DACH2: variants seen among roughly 807,000 people sequenced by gnomAD.
DACH2 encodes dachshund family transcription factor 2, also known as dachshund homolog 2.
In DACH2, 17 loss-of-function variants were observed where a neutral mutation model predicts 35.8. That is an observed-to-expected ratio of 0.48 (90% CI 0.33 to 0.71). The LOEUF is 0.71. Ranked by LOEUF, DACH2 falls within the 30% of genes least tolerant of loss-of-function variation. The pLI is 0.02. For synonymous variants in DACH2, 195 were observed against 177.3 expected, an observed-to-expected ratio of 1.10 and a Z score of -0.79; for missense variants, 469 against 472.7, an observed-to-expected ratio of 0.99 and a Z score of 0.07.
At chrX:86,583,957 GTTCTC>G (rs1331715902) in intron 3 of DACH2, among the ~76,000 whole-genome samples, 4 of 110,834 alleles carry the variant, frequency 3.6e-5, no homozygotes, top group South Asian at 3.7e-4. Flanking sequence ...AATTGGAAGT[GTTCTC>G]TTCTCTTCTA....
At chrX:86,518,868 C>A (rs1330036743) in intron 3 of DACH2, among the ~76,000 whole-genome samples, 1 of 111,926 alleles carries the variant, frequency 8.9e-6, no homozygotes, top group Non-Finnish European at 1.9e-5. Flanking sequence ...TCCTTTCTTC[C>A]TAGTGGGATG....
chrX:86,569,832 A>T lies in DACH2; in HGVS notation c.640+55441A>T, dbSNP rs188936651. Among the ~76,000 whole-genome samples the T allele has an allele frequency of 1.9e-3, 211 of 111,898 alleles. 1 individual carries two copies. The highest frequency in any genetic ancestry group is 6.4e-3 in the African/African-American group (197 of 30,849). ...TACAGAATGGGAGAACATTTTTCTC[A>T]ATATATCCATCTGACAAAGGTCTAA... On this transcript the variant is annotated intron_variant, in intron 3 of 11. Coordinates refer to ENST00000373125, the MANE Select transcript of DACH2 (RefSeq NM_053281.3).
At chrX:86,643,277 G>A (rs761290785) in intron 3 of DACH2, among the ~76,000 whole-genome samples, 1 of 107,833 alleles carries the variant, frequency 9.3e-6, no homozygotes, top group African/African-American at 3.4e-5. Flanking sequence ...AATGAGGAAG[G>A]GAATGATACT....
chrX:86,636,771 A>G (rs1174535566), intron 3 of DACH2, among the ~76,000 whole-genome samples: 1 of 110,896 alleles, frequency 9.0e-6, no homozygotes, highest in Admixed American at 9.6e-5. Flanking sequence ...AATACAACCT[A>G]CGCAATACCA....
intron 1 of DACH2, among the ~76,000 whole-genome samples, chrX:86,213,520 C>T (rs1173588098): frequency 9.0e-6 from 1 of 111,166 alleles, no homozygotes; most frequent in Non-Finnish European, 1.9e-5. Flanking sequence ...TTTTAAGTCT[C>T]GTTTTCCTTG....
intron 1 of DACH2, among the ~76,000 whole-genome samples, chrX:86,346,066 A>G (rs959419680): frequency 6.3e-5 from 7 of 111,722 alleles, no homozygotes; most frequent in Non-Finnish European, 7.5e-5. Context: ...CCAGATTGTG[A>G]TGACCTGGAA....
At chrX:86,599,138 C>T (rs1362603246) in intron 3 of DACH2, among the ~76,000 whole-genome samples, 1 of 111,056 alleles carries the variant, frequency 9.0e-6, no homozygotes, top group East Asian at 2.9e-4. Context: ...TGAACTCATC[C>T]TTTTTAATGG....
At chrX:86,219,070 T>A (rs932585919) in intron 1 of DACH2, among the ~76,000 whole-genome samples, 1 of 112,157 alleles carries the variant, frequency 8.9e-6, no homozygotes, top group Non-Finnish European at 1.9e-5. Context: ...ATTGGTACTA[T>A]GACTACTAAA....
At chrX:86,492,110 T>C (rs1054991213) in intron 2 of DACH2, among the ~76,000 whole-genome samples, 4 of 111,868 alleles carry the variant, frequency 3.6e-5, no homozygotes, top group Non-Finnish European at 7.5e-5. Context: ...CTGTGACTGC[T>C]TTATTTCATT....
intron 1 of DACH2, among the ~76,000 whole-genome samples, chrX:86,375,191 A>G (rs1356412567): frequency 1.9e-5 from 2 of 107,489 alleles, no homozygotes; most frequent in Non-Finnish European, 3.9e-5. Flanking sequence ...CAGTTAACTC[A>G]TGGGTGTTTA....
chrX:86,262,671 G>A (rs1234739018), intron 1 of DACH2, among the ~76,000 whole-genome samples: 3 of 110,200 alleles, frequency 2.7e-5, no homozygotes, highest in Non-Finnish European at 5.7e-5. Context: ...ATTGTATACC[G>A]CCTCTGACAT....
chrX:86,411,020 T>TTATATATATATATATATATATA (rs36194671), intron 2 of DACH2, among the ~76,000 whole-genome samples: 2,196 of 40,148 alleles, frequency 0.055, 258 homozygotes, highest in East Asian at 0.091. Flanking sequence ...ACTAATATGA[T>TTATATATATATATATATATATA]TATATATATA....
intron 2 of DACH2, among the ~76,000 whole-genome samples, chrX:86,399,854 G>A (rs1320237050): frequency 9.0e-6 from 1 of 111,114 alleles, no homozygotes; most frequent in East Asian, 2.8e-4. Flanking sequence ...TGACAATTAT[G>A]TGTCTTGGAC....
chrX:86,533,099 C>T (rs780689279), intron 3 of DACH2, among the ~76,000 whole-genome samples: 1 of 109,261 alleles, frequency 9.2e-6, no homozygotes, highest in African/African-American at 3.3e-5. Context: ...GCCCAGGCTG[C>T]AGGGCAGTGG....
intron 3 of DACH2, among the ~76,000 whole-genome samples, chrX:86,641,886 T>A (rs2040351338): frequency 8.9e-6 from 1 of 111,751 alleles, no homozygotes; most frequent in South Asian, 3.7e-4. Context: ...AGAAATAAGA[T>A]CCTCTTCAGA....
At chrX:86,206,937 CT>C (rs1204437323) in intron 1 of DACH2, among the ~76,000 whole-genome samples, 2 of 111,592 alleles carry the variant, frequency 1.8e-5, no homozygotes, top group Non-Finnish European at 3.8e-5. Context: ...CACCTTAAAT[CT>C]TTTTTGTAAT....
chrX:86,462,298 T>C (rs146941916), intron 2 of DACH2, among the ~76,000 whole-genome samples: 90 of 111,761 alleles, frequency 8.1e-4, no homozygotes, highest in African/African-American at 2.7e-3. Flanking sequence ...CAAATATTAT[T>C]GTTAGGCTAG....
intron 1 of DACH2, among the ~76,000 whole-genome samples, chrX:86,201,780 A>C (rs1396497596): frequency 9.2e-6 from 1 of 108,823 alleles, no homozygotes; most frequent in Non-Finnish European, 1.9e-5. Context: ...CTAAATTTAT[A>C]CAACTTGGCA....
At chrX:86,436,175 A>C (rs2037064812) in intron 2 of DACH2, among the ~76,000 whole-genome samples, 1 of 110,830 alleles carries the variant, frequency 9.0e-6, no homozygotes, top group Non-Finnish European at 1.9e-5. Context: ...TAAATCCTGA[A>C]ATCTCTATTA....
Sources: gnomAD v4.1 joint callset for allele counts (sites outside exome capture counted in the v4.1 genomes callset) on GRCh38, gnomAD v4.1.1 for gene constraint, MANE v1.5 for transcripts, NCBI Gene and HGNC (gene_info 2026-07-23, HGNC 2026-07-21) for gene names.